DGKB: variants seen among roughly 807,000 people sequenced by gnomAD.
The protein encoded by DGKB is 90 kDa diacylglycerol kinase.
Under a neutral mutation model 114.3 loss-of-function variants are expected in DGKB, and 67 were observed. The ratio of observed to expected loss-of-function variants is 0.59; its 90% CI spans 0.48 to 0.72. The LOEUF (loss-of-function observed/expected upper bound fraction) is 0.72, where lower values mean the gene tolerates loss of function less well. Among genes scored for constraint, DGKB ranks in the 30% least tolerant of loss-of-function variants. The pLI is 0.00. For missense variants in DGKB, 907 were observed against 975.2 expected (o/e 0.93, Z 0.93); for synonymous variants, 398 against 323.1 (o/e 1.23, Z -2.49).
intron 23 of DGKB, among the ~76,000 whole-genome samples, chr7:14,211,424 ATTT>A (rs1344048394): frequency 1.7e-4 from 9 of 51,718 alleles, no homozygotes; most frequent in African/African-American, 1.1e-3. Context: ...ATGTTTTGTG[ATTT>A]TACTCTCGTG....
chr7:14,586,855 C>CAAAA (rs398066647), intron 17 of DGKB, among the ~76,000 whole-genome samples: 1 of 144,616 alleles, frequency 6.9e-6, no homozygotes, highest in Non-Finnish European at 1.5e-5. Flanking sequence ...ACATATTTCT[C>CAAAA]AAAAAAAAAA....
At chr7:14,638,833 T>C (rs540494243) in intron 13 of DGKB, among the ~76,000 whole-genome samples, 26 of 152,124 alleles carry the variant, frequency 1.7e-4, no homozygotes, top group East Asian at 5.8e-4. Flanking sequence ...TCTGAGGAGT[T>C]TGAGACCAGC....
chr7:14,392,083 T>C (rs536977392), intron 21 of DGKB, among the ~76,000 whole-genome samples: 2 of 152,326 alleles, frequency 1.3e-5, no homozygotes, highest in Non-Finnish European at 2.9e-5. Context: ...AATCAGGTTA[T>C]GTCTGCATAA....
chr7:14,745,802 T>TC (rs11426781), intron 4 of DGKB, among the ~76,000 whole-genome samples: 148,948 of 152,294 alleles, frequency 0.98, 72,846 homozygotes, highest in East Asian at 1. Flanking sequence ...CTTCAATGTG[T>TC]CGCATGCTTA....
At chr7:14,568,066 T>C (rs1278468976) in intron 20 of DGKB, among the ~76,000 whole-genome samples, 2 of 152,184 alleles carry the variant, frequency 1.3e-5, no homozygotes, top group African/African-American at 4.8e-5. Flanking sequence ...AAGATATCTG[T>C]AGTTGGCTTT....
chr7:14,762,450 G>A (rs1289650764), intron 2 of DGKB, among the ~76,000 whole-genome samples: 1 of 151,994 alleles, frequency 6.6e-6, no homozygotes, highest in African/African-American at 2.4e-5. Context: ...CTTTTAAAAT[G>A]TTCAGAATTT....
chr7:14,582,486 A>C (rs1800082975), intron 18 of DGKB, among the ~76,000 whole-genome samples: 1 of 152,180 alleles, frequency 6.6e-6, no homozygotes, highest in South Asian at 2.1e-4. Context: ...CACAGCTATA[A>C]GACTTTGTTG....
chr7:14,617,780 T>G (rs1327848204), intron 15 of DGKB, among the ~76,000 whole-genome samples: 2 of 151,580 alleles, frequency 1.3e-5, no homozygotes, highest in Non-Finnish European at 3.0e-5. Context: ...TACCTTAGGG[T>G]TGTCCATTCC....
intron 20 of DGKB, among the ~76,000 whole-genome samples, chr7:14,570,984 T>G (rs922356810): frequency 6.6e-6 from 1 of 152,176 alleles, no homozygotes; most frequent in African/African-American, 2.4e-5. Flanking sequence ...TTTGAGGTGT[T>G]GTCCCATGCA....
intron 20 of DGKB, among the ~76,000 whole-genome samples, chr7:14,508,457 C>G (rs2128969830): frequency 6.6e-6 from 1 of 152,236 alleles, no homozygotes; most frequent in East Asian, 1.9e-4. Flanking sequence ...ATTATTGCCA[C>G]TTAGGTTAAG....
chr7:14,878,769 C>CAA (rs780714176), intron 1 of DGKB, among the ~76,000 whole-genome samples: 8 of 95,394 alleles, frequency 8.4e-5, no homozygotes, highest in African/African-American at 1.3e-4. Context: ...AAAAAAAAAA[C>CAA]AAAAAAAAAA....
chr7:14,825,357 G>C (rs1400481507), intron 2 of DGKB, among the ~76,000 whole-genome samples: 2 of 152,032 alleles, frequency 1.3e-5, no homozygotes, highest in Non-Finnish European at 1.5e-5. Context: ...AATATGTAAT[G>C]AAATAACTAT....
intron 23 of DGKB, among the ~76,000 whole-genome samples, chr7:14,188,817 G>C (rs1783870214): frequency 6.6e-6 from 1 of 151,994 alleles, no homozygotes; most frequent in South Asian, 2.1e-4. Context: ...AAGGGAATCT[G>C]CATCACACTA....
intron 23 of DGKB, among the ~76,000 whole-genome samples, chr7:14,214,208 A>G (rs1788591227): frequency 6.6e-6 from 1 of 152,158 alleles, no homozygotes; most frequent in Non-Finnish European, 1.5e-5. Context: ...ATAAAACTTG[A>G]AACCCTTGAC....
At chr7:14,905,284 A>AG (rs1439016637), upstream of DGKB, among the ~76,000 whole-genome samples, 2 of 145,970 alleles carry the variant, frequency 1.4e-5, no homozygotes, top group African/African-American at 5.0e-5. Context: ...AGCATTACTA[A>AG]GATTCACTTT....
chr7:14,653,097 C>T (rs1434689931), intron 13 of DGKB, among the ~76,000 whole-genome samples: 12 of 150,390 alleles, frequency 8.0e-5, no homozygotes, highest in Admixed American at 2.0e-4. Context: ...GTCAGTGTGG[C>T]GATTCCTCAG....
At chr7:14,400,647 G>A (rs1822955523) in intron 21 of DGKB, among the ~76,000 whole-genome samples, 1 of 151,196 alleles carries the variant, frequency 6.6e-6, no homozygotes, top group Non-Finnish European at 1.5e-5. Flanking sequence ...ACAAGTGAAT[G>A]CGTTTTATGT....
At chr7:14,245,432 C>G (rs560264160) in intron 23 of DGKB, among the ~76,000 whole-genome samples, 1 of 152,100 alleles carries the variant, frequency 6.6e-6, no homozygotes, top group African/African-American at 2.4e-5. Flanking sequence ...GCTGAATAAG[C>G]CAGGTAAGCA....
chr7:14,763,856 C>G (rs76820487), intron 2 of DGKB, among the ~76,000 whole-genome samples: 343 of 152,078 alleles, frequency 2.3e-3, no homozygotes, highest in African/African-American at 7.7e-3. Flanking sequence ...AGTTCATTAT[C>G]TGGTGTTTTT....
Sources: gnomAD v4.1 joint callset for allele counts (sites outside exome capture counted in the v4.1 genomes callset) on GRCh38, gnomAD v4.1.1 for gene constraint, MANE v1.5 for transcripts, NCBI Gene and HGNC (gene_info 2026-07-23, HGNC 2026-07-21) for gene names.